MED17: variants seen among roughly 807,000 people sequenced by gnomAD.
The protein encoded by MED17 is mediator complex subunit 17.
MED17 carries 49 observed loss-of-function variants against 80.8 expected under a neutral mutation model. The observed-to-expected ratio is 0.61, with a 90% CI of 0.48 to 0.77. The LOEUF is 0.77. Ranked by LOEUF, MED17 falls within the 30% of genes least tolerant of loss-of-function variation. The probability of loss-of-function intolerance (pLI) is 0.00; values close to 1 mark genes in which losing one functional copy is unlikely to be tolerated. For missense variants in MED17, 718 were observed against 787.0 expected (o/e 0.91, Z 1.05); for synonymous variants, 281 against 280.4 (o/e 1.00, Z -0.02).
rs1944040535 is a variant in MED17, at chr11:93,807,630, T to C, written c.1579T>C (p.Ser527Pro). Residue 527 changes from serine (S) to proline (P), a missense_variant, in exon 10 of 12, where the codon TCT becomes CCT. By Grantham distance (74) the Ser-to-Pro change is moderately conservative. Coordinates refer to ENST00000251871, the MANE Select transcript of MED17 (RefSeq NM_004268.5). ...QEQELQDFLL[S>P]QMSQHQVHAV... ...GCAGGAGCTACAGGATTTTCTTCTG[T>C]CTCAGGTAACAGTTGCAGATTTTGT... 1.3e-6 allele frequency: 2 copies of C among 1,584,638 alleles called. No homozygotes were observed. Among genetic ancestry groups the C allele is most frequent in the Admixed American group, 1.7e-5 (1 of 59,954 alleles).
chr11:93,790,435 A>G, intron 2 of MED17, 139 bp from the exon 3 acceptor site: 2 of 759,294 alleles, frequency 2.6e-6, no homozygotes, highest in Non-Finnish European at 4.5e-6. Flanking sequence ...TAAGGTTATT[A>G]TTTTATTAAA....
At chr11:93,787,579 A>G (rs188645933) in intron 1 of MED17, among the ~76,000 whole-genome samples, 2 of 152,254 alleles carry the variant, frequency 1.3e-5, no homozygotes, top group East Asian at 3.9e-4. Flanking sequence ...ATTTAATCAC[A>G]ATACTTTTTT....
chr11:93,784,950 C>G, intron 1 of MED17, 187 bp downstream of exon 1: 1 of 790,164 alleles, frequency 1.3e-6, no homozygotes, highest in Non-Finnish European at 2.0e-6. Flanking sequence ...CACGACTTTA[C>G]GTAATACTCC....
At chr11:93,803,743 A>G (rs1323103614) in intron 9 of MED17, among the ~76,000 whole-genome samples, 2 of 152,044 alleles carry the variant, frequency 1.3e-5, no homozygotes, top group Non-Finnish European at 2.9e-5. Context: ...ATCATCATTG[A>G]ATTGTTTAGA....
intron 11 of MED17, chr11:93,810,214 G>A (rs918612376): frequency 1.3e-5 from 4 of 316,932 alleles, no homozygotes; most frequent in African/African-American, 4.3e-5. Flanking sequence ...AAAAATATCT[G>A]ATCCTAAAAA....
chr11:93,794,986 G>C lies in MED17; in HGVS notation c.938G>C (p.Arg313Pro). The C allele has an allele frequency of 6.2e-7, 1 of 1,614,024 alleles. No homozygotes were observed. The highest frequency in any genetic ancestry group is 8.5e-7 in the Non-Finnish European group (1 of 1,179,948). Residue 313 changes from arginine (R) to proline (P), a missense_variant, in exon 6 of 12, where the codon CGG becomes CCG. By Grantham distance (103) the Arg-to-Pro change is moderately radical. Transcript: ENST00000251871. ...LCKEIFAQLSREAVQIKSQVP... is the reference protein window; with the variant it reads ...LCKEIFAQLSPEAVQIKSQVP... ...AAAGAAATTTTTGCACAGCTCTCTC[G>C]GGAAGCTGTTCAAATTAAATCACAA...
chr11:93,813,378 A>C lies in MED17; in HGVS notation c.*1314A>C, dbSNP rs1411578886. On this transcript the variant is annotated 3_prime_UTR_variant, in exon 12 of 12. Coordinates refer to ENST00000251871, the MANE Select transcript of MED17 (RefSeq NM_004268.5). ...TTTCCCCTTCTGATCAAGATCTTGC[A>C]TCTTTCTATCCATGGAAATTAAAAT... is the stretch of plus-strand genomic sequence containing the variant. 2 of 152,212 alleles carry C rather than the reference A, an allele frequency of 1.3e-5. No homozygotes were observed. The highest frequency in any genetic ancestry group is 4.8e-5 in the African/African-American group (2 of 41,460). The allele number at this position is 152,212 out of a possible 1,614,324, so 9.4% of individuals were successfully genotyped here. A position where few individuals can be genotyped will look rare whatever the true frequency, so the allele number is the denominator to read the frequency against.
chr11:93,801,772 A>T lies in MED17; in HGVS notation c.1329-63A>T, dbSNP rs1201031553. On this transcript the variant is annotated intron_variant, in intron 8 of 11. Transcript: ENST00000251871. ...AAAATTTTCATAAAATTTTCGAATC[A>T]TTTATATTCCTATCATTTTGTATGG... 3.4e-6 allele frequency: 5 copies of T among 1,492,356 alleles called. No homozygotes were observed. In the African/African-American group the frequency reaches 4.1e-5, roughly 12 times the overall value. 92.4% of individuals were successfully genotyped at this position (1,492,356 alleles called of 1,614,324 possible).
At chr11:93,797,280 CTTAT>C (rs1157412367) in intron 7 of MED17, 6 of 454,160 alleles carry the variant, frequency 1.3e-5, no homozygotes, top group Non-Finnish European at 2.4e-5. Flanking sequence ...TCCCTCAAAC[CTTAT>C]TAGGATGTCG....
chr11:93,789,225 A>G (rs1943805520), intron 2 of MED17: 1 of 152,234 alleles, frequency 6.6e-6, no homozygotes, highest in East Asian at 1.9e-4. Flanking sequence ...GAATCTAGAA[A>G]CATTGTGCTG....
At chr11:93,786,292 A>G (rs1231132755) in intron 1 of MED17, among the ~76,000 whole-genome samples, 1 of 152,152 alleles carries the variant, frequency 6.6e-6, no homozygotes, top group Non-Finnish European at 1.5e-5. Flanking sequence ...ACTCAATCTC[A>G]TTACTAGGGA....
chr11:93,794,009 A>G lies in MED17; in HGVS notation c.833A>G (p.Lys278Arg). 1 of 1,614,030 alleles carries G rather than the reference A, an allele frequency of 6.2e-7. No homozygotes were observed. The highest frequency in any genetic ancestry group is 8.5e-7 in the Non-Finnish European group (1 of 1,179,960). Residue 278 changes from lysine to arginine, a missense_variant, in exon 5 of 12, where the codon AAA (lysine) becomes AGA (arginine). Transcript: ENST00000251871. ...GACCTCGGCACAGTTAACCTCTTCA[A>G]ACGACCTTTGCCCAAATCCAAACCA... ...IGDLGTVNLFKRPLPKSKPGS... is the reference protein window; with the variant it reads ...IGDLGTVNLFRRPLPKSKPGS...
At chr11:93,789,164 A>G (rs1943804925) in intron 2 of MED17, 3 of 152,236 alleles carry the variant, frequency 2.0e-5, no homozygotes, top group South Asian at 4.1e-4. Context: ...GTTAGAACCC[A>G]TTTGTAAATA....
intron 7 of MED17, chr11:93,797,160 G>A (rs1670944445): frequency 1.6e-5 from 4 of 247,062 alleles, no homozygotes; most frequent in Non-Finnish European, 2.4e-5. Flanking sequence ...GAGACTCAGT[G>A]AAGAGGATTG....
chr11:93,803,999 GTATATATATATATATA>G, intron 9 of MED17, among the ~76,000 whole-genome samples: 1 of 27,164 alleles, frequency 3.7e-5, no homozygotes, highest in African/African-American at 9.3e-5. Flanking sequence ...ATATGTGTGT[GTATATATATATATATA>G]TATATATATA....
chr11:93,811,793 T>C, intron 11 of MED17, 60 bp from the exon 12 acceptor site: 1 of 1,396,194 alleles, frequency 7.2e-7, no homozygotes, highest in Non-Finnish European at 1.0e-6. Context: ...GTGGGATTTA[T>C]CCTTGTTATT....
chr11:93,787,045 G>C (rs1042029568), intron 1 of MED17, among the ~76,000 whole-genome samples: 15 of 151,872 alleles, frequency 9.9e-5, no homozygotes, highest in African/African-American at 3.4e-4. Context: ...AATATTAAGT[G>C]GGGGCGGGGG....
chr11:93,796,513 G>A lies in MED17; in HGVS notation c.1116G>A (p.Glu372=), dbSNP rs1289622289. ...CGGAGGACCACCTTTATGTCCTAGA[G>A]CATAATTTGCATCTACTGATTAGAG... ...QCPEDHLYVL[E]HNLHLLIREF... Residue 372 remains glutamate (E), a synonymous_variant, in exon 7 of 12, where the codon GAG becomes GAA. Coordinates refer to ENST00000251871, the MANE Select transcript of MED17 (RefSeq NM_004268.5). 1.2e-6 allele frequency: 2 copies of A among 1,614,088 alleles called. No individual in the cohort carries two copies. The highest frequency in any genetic ancestry group is 3.3e-5 in the Admixed American group (2 of 60,012).
chr11:93,797,503 AT>A (rs769905557), intron 7 of MED17, 31 bp from the exon 8 acceptor site: 38 of 1,572,230 alleles, frequency 2.4e-5, no homozygotes, highest in Non-Finnish European at 3.2e-5. Flanking sequence ...TACTATGTGG[AT>A]ATTGGTATTT....
Sources: gnomAD v4.1 joint callset for allele counts (sites outside exome capture counted in the v4.1 genomes callset) on GRCh38, gnomAD v4.1.1 for gene constraint, MANE v1.5 for transcripts, NCBI Gene and HGNC (gene_info 2026-07-23, HGNC 2026-07-21) for gene names.